Variants in TTC28 observed in about 807,000 individuals in gnomAD.
The protein encoded by TTC28 is tetratricopeptide repeat protein 28.
A neutral mutation model predicts 198.0 loss-of-function variants in TTC28; 61 were observed. That is an observed-to-expected ratio of 0.31 (90% CI 0.25 to 0.38). The LOEUF (loss-of-function observed/expected upper bound fraction) is 0.38, where lower values mean the gene tolerates loss of function less well. Among genes scored for constraint, TTC28 ranks in the 10% least tolerant of loss-of-function variants. The probability of loss-of-function intolerance (pLI) is 1.00; values close to 1 mark genes in which losing one functional copy is unlikely to be tolerated. For missense variants in TTC28, 2,678 were observed against 3,164.0 expected, an observed-to-expected ratio of 0.85 and a Z score of 3.69; for synonymous variants, 1,171 against 1,297.8, an observed-to-expected ratio of 0.90 and a Z score of 2.10.
intron 2 of TTC28, among the ~76,000 whole-genome samples, chr22:28,475,149 CAAAAAAA>C (rs386395148): frequency 6.5e-4 from 42 of 64,994 alleles, no homozygotes; most frequent in East Asian, 2.4e-3. Flanking sequence ...GACTCCATCT[CAAAAAAA>C]AAAAAAAAAA....
At chr22:28,337,645 C>T (rs142789960) in intron 2 of TTC28, among the ~76,000 whole-genome samples, 231 of 152,118 alleles carry the variant, frequency 1.5e-3, no homozygotes, top group African/African-American at 5.2e-3. Context: ...CTGTTTTATC[C>T]GAGAGTAGGA....
intron 12 of TTC28, among the ~76,000 whole-genome samples, chr22:28,052,955 A>C (rs1033128521): frequency 1.6e-4 from 24 of 152,374 alleles, no homozygotes; most frequent in Middle Eastern, 3.4e-3. Context: ...TGAAAGGACC[A>C]GCCAGGCGCT....
In TTC28 at chr22:28,599,943, A is replaced by C. The variant is rs1172189967; in HGVS notation, c.381+29609T>G. Among the ~76,000 whole-genome samples the C allele has an allele frequency of 2.0e-5, 3 of 152,192 alleles. No homozygotes were observed. The East Asian group carries it at 5.8e-4, about 29-fold the overall frequency. ...AGTCCACAAAAAAATATGGGTCATC[A>C]GCTGTAATTCTTCCATTCTTCCTTT... On this transcript the variant is annotated intron_variant, in intron 2 of 22. Coordinates refer to ENST00000397906, the MANE Select transcript of TTC28 (RefSeq NM_001145418.2).
intron 5 of TTC28, among the ~76,000 whole-genome samples, chr22:28,264,084 C>A (rs1027050567): frequency 6.6e-5 from 10 of 152,044 alleles, no homozygotes; most frequent in Admixed American, 3.3e-4. Context: ...GGCTGTGTCG[C>A]CAGCCAAATC....
intron 2 of TTC28, among the ~76,000 whole-genome samples, chr22:28,311,760 T>G (rs1031550437): frequency 2.6e-5 from 4 of 152,116 alleles, no homozygotes; most frequent in Admixed American, 1.3e-4. Context: ...TCTTATTCAT[T>G]CTATATAACT....
chr22:28,134,541 C>T (rs1187671238), intron 6 of TTC28, among the ~76,000 whole-genome samples: 2 of 152,150 alleles, frequency 1.3e-5, no homozygotes, highest in Non-Finnish European at 2.9e-5. Flanking sequence ...ATGAGAACTA[C>T]ATGATGAATG....
rs918903111 is a variant in TTC28 at position 28,107,354 on chromosome 22, T to A, written c.2491A>T (p.Ser831Cys). Residue 831 changes from serine to cysteine, a missense_variant, in exon 7 of 23, where the codon AGT becomes TGT. Ser to Cys is a moderately radical substitution (Grantham distance 112). This residue lies in a region of TTC28 where 775 missense variants were observed against 845.9 expected (regional missense o/e 0.92). Transcript: ENST00000397906. ...TTGCCATAGACCTGGGCTTCCAGAC[T>A]CGGATCCTTCAGCTTTTGCCCTAGA... ...LDLGQKLKDP[S>C]LEAQVYGNMG... The A allele has an allele frequency of 6.4e-7, 1 of 1,551,858 alleles. No individual in the cohort carries two copies. The highest frequency in any genetic ancestry group is 1.4e-5 in the African/African-American group (1 of 73,052).
intron 2 of TTC28, among the ~76,000 whole-genome samples, chr22:28,403,741 G>A (rs2046955173): frequency 6.6e-6 from 1 of 152,128 alleles, no homozygotes; most frequent in African/African-American, 2.4e-5. Flanking sequence ...GTATAACAAG[G>A]GTGTGAGAGG....
chr22:28,326,601 TGTTTTATAATTAAA>T (rs1268005067), intron 2 of TTC28, among the ~76,000 whole-genome samples: 1 of 152,198 alleles, frequency 6.6e-6, no homozygotes. Flanking sequence ...TGGGAATGCT[TGTTTTATAATTAAA>T]GAGTGAGAAC....
chr22:28,062,313 G>A (rs1026647859), intron 12 of TTC28, among the ~76,000 whole-genome samples: 1 of 151,702 alleles, frequency 6.6e-6, no homozygotes, highest in Admixed American at 6.6e-5. Context: ...TGTCTGCCTC[G>A]GCCTCCCAAA....
In TTC28 at chr22:27,993,183, A is replaced by T. The variant is rs561542590; in HGVS notation, c.5476+104T>A. Reference sequence around the variant, plus strand: ...TTTCTCAGGACACCCTCCTGCTCCTAGCTGGGAGATCCAGCATCCTCATGA... The same window carrying T: ...TTTCTCAGGACACCCTCCTGCTCCTTGCTGGGAGATCCAGCATCCTCATGA... On this transcript the variant is annotated intron_variant, in intron 18 of 22. Transcript: ENST00000397906. 1.2e-5 allele frequency: 13 copies of T among 1,071,664 alleles called. No homozygotes were observed. In the African/African-American group the frequency reaches 2.1e-4, roughly 17 times the overall value. The allele number at this position is 1,071,664 out of a possible 1,614,324, so 66.4% of individuals were successfully genotyped here.
intron 2 of TTC28, among the ~76,000 whole-genome samples, chr22:28,627,599 T>C (rs1280848040): frequency 6.6e-6 from 1 of 151,856 alleles, no homozygotes; most frequent in East Asian, 1.9e-4. Flanking sequence ...GCCCAGCTAA[T>C]TTTTGTGTTT....
At chr22:28,092,794 CA>C (rs1286040235) in intron 12 of TTC28, among the ~76,000 whole-genome samples, 1 of 152,096 alleles carries the variant, frequency 6.6e-6, no homozygotes, top group Non-Finnish European at 1.5e-5. Flanking sequence ...CTGTAATTGC[CA>C]AACTGTTGCC....
At chr22:28,659,883 C>G (rs1052483802) in intron 1 of TTC28, among the ~76,000 whole-genome samples, 8 of 151,962 alleles carry the variant, frequency 5.3e-5, no homozygotes, top group African/African-American at 1.7e-4. Context: ...ACTGCAACCT[C>G]AACCTCCTGG....
Position 28,096,410 on chromosome 22 carries a change from T to C in TTC28, c.3548-2A>G. On this transcript the variant is annotated splice_acceptor_variant, in intron 10 of 22. Transcript: ENST00000397906. LOFTEE classifies it high-confidence loss of function. The stretch of plus-strand genomic sequence containing the variant: ...CAGCCAGGGCTTCATCATGATGGCC[T>C]AGGAGACAAAGAGATATGCCGAGGA... The C allele has an allele frequency of 6.4e-7, 1 of 1,550,916 alleles. No individual in the cohort carries two copies. Among genetic ancestry groups the C allele is most frequent in the Non-Finnish European group, 8.7e-7 (1 of 1,146,986 alleles).
intron 2 of TTC28, among the ~76,000 whole-genome samples, chr22:28,530,077 A>G (rs188880064): frequency 6.6e-5 from 10 of 152,372 alleles, no homozygotes; most frequent in African/African-American, 2.4e-4. Context: ...TTGAGAGAAG[A>G]AGGCTTCAGA....
At chr22:28,225,366 GAA>G (rs750654050) in intron 5 of TTC28, among the ~76,000 whole-genome samples, 1 of 83,006 alleles carries the variant, frequency 1.2e-5, no homozygotes, top group Admixed American at 1.7e-4. Flanking sequence ...AAAAAAAAAA[GAA>G]AAGAAGAAGA....
At chr22:28,341,083 T>C (rs1199780228) in intron 2 of TTC28, among the ~76,000 whole-genome samples, 1 of 152,238 alleles carries the variant, frequency 6.6e-6, no homozygotes, top group Non-Finnish European at 1.5e-5. Context: ...AGATGACTAA[T>C]GCCCTAAGGA....
rs1569094617 is a variant in TTC28 at position 28,032,177 on chromosome 22, T to TATATATAAAATATATATATATAAA, written c.3933-1812_3933-1811insTTTATATATATATATTTTATATAT. On this transcript the variant is annotated intron_variant, in intron 12 of 22. Transcript: ENST00000397906. ...TATCTACTTAGTGTGTGTATATATATATATATATATAAAATATATATATAT... is the reference window on the plus strand; with the variant it reads ...TATCTACTTAGTGTGTGTATATATATATATATAAAATATATATATATAAAATATATATATAAAATATATATATAT... Among the ~76,000 whole-genome samples, 127 of 77,434 alleles carry TATATATAAAATATATATATATAAA rather than the reference T, an allele frequency of 1.6e-3. 1 individual carries two copies. The highest frequency in any genetic ancestry group is 6.7e-3 in the African/African-American group (119 of 17,874). The allele number at this position is 77,434 out of a possible 152,430, so 50.8% of individuals were successfully genotyped here.
Sources: allele counts gnomAD v4.1 joint callset (sites outside exome capture counted in the v4.1 genomes callset), GRCh38; gene constraint gnomAD v4.1.1; regional missense constraint gnomAD v4.1.1; transcripts MANE v1.5; gene names NCBI Gene and HGNC (gene_info 2026-07-23, HGNC 2026-07-21).